Variants in VRK2 observed in about 807,000 individuals in gnomAD.
VRK2 encodes serine/threonine-protein kinase VRK2.
In VRK2, 60 loss-of-function variants were observed where a neutral mutation model predicts 57.6. The ratio of observed to expected loss-of-function variants is 1.04; its 90% confidence interval spans 0.85 to 1.29. VRK2 has a LOEUF of 1.29. VRK2 is among the 50% of genes most tolerant of loss of function. VRK2 has a pLI of 0.00. For missense variants in VRK2, 705 were observed against 588.1 expected (o/e 1.20, Z -2.06); for synonymous variants, 231 against 199.2 (o/e 1.16, Z -1.35).
intron 3 of VRK2, 97 bp from the exon 4 acceptor site, chr2:58,084,784 T>A: frequency 2.5e-6 from 2 of 798,188 alleles, no homozygotes. Flanking sequence ...TACTATTATA[T>A]ACTACATATA....
At chr2:58,055,756 A>G (rs2103843030) in intron 2 of VRK2, among the ~76,000 whole-genome samples, 1 of 152,332 alleles carries the variant, frequency 6.6e-6, no homozygotes, top group East Asian at 1.9e-4. Context: ...AAAATTGTAT[A>G]AAGGAGATGA....
At chr2:57,959,657 T>G (rs1264387891) in intron 1 of VRK2, among the ~76,000 whole-genome samples, 1 of 152,150 alleles carries the variant, frequency 6.6e-6, no homozygotes, top group East Asian at 1.9e-4. Context: ...AAGTGCCAGT[T>G]TGTTCCTCTT....
chr2:58,065,316 C>A (rs1668463879), intron 2 of VRK2, among the ~76,000 whole-genome samples: 1 of 152,064 alleles, frequency 6.6e-6, no homozygotes, highest in Non-Finnish European at 1.5e-5. Flanking sequence ...AGCCATTGAT[C>A]TATTCTGCAT....
intron 1 of VRK2, among the ~76,000 whole-genome samples, chr2:57,939,524 A>G (rs1384967043): frequency 6.6e-6 from 1 of 152,234 alleles, no homozygotes; most frequent in Non-Finnish European, 1.5e-5. Flanking sequence ...AAATAAAAAA[A>G]TGAGGACACA....
intron 1 of VRK2, among the ~76,000 whole-genome samples, chr2:57,974,373 C>T (rs1304853250): frequency 1.3e-5 from 2 of 151,740 alleles, no homozygotes; most frequent in Middle Eastern, 3.2e-3. Context: ...AACAAACTAA[C>T]ATAAAATACT....
chr2:58,085,254 T>A (rs1266988804), intron 4 of VRK2, among the ~76,000 whole-genome samples: 1 of 152,000 alleles, frequency 6.6e-6, no homozygotes, highest in Admixed American at 6.6e-5. Context: ...AATGAAATTA[T>A]TTCTTTTACA....
intron 10 of VRK2, among the ~76,000 whole-genome samples, chr2:58,137,241 T>TCATATATGATACATATATAC (rs1558687537): frequency 7.7e-6 from 1 of 129,678 alleles, no homozygotes; most frequent in African/African-American, 3.3e-5. Context: ...TACATATATA[T>TCATATATGATACATATATAC]CATATATATG....
intron 7 of VRK2, among the ~76,000 whole-genome samples, chr2:58,099,372 G>A (rs1191448511): frequency 6.6e-6 from 1 of 152,014 alleles, no homozygotes; most frequent in Non-Finnish European, 1.5e-5. Context: ...TTAAGCCTGT[G>A]AGTGCTCAGG....
chr2:58,118,150 G>A (rs530639612), intron 7 of VRK2, among the ~76,000 whole-genome samples: 124 of 151,958 alleles, frequency 8.2e-4, no homozygotes, highest in African/African-American at 2.9e-3. Flanking sequence ...GGGGTTGAGG[G>A]GTTCTTGCCC....
chr2:57,965,707 A>G (rs751031100), intron 1 of VRK2, among the ~76,000 whole-genome samples: 34 of 152,254 alleles, frequency 2.2e-4, no homozygotes, highest in Middle Eastern at 6.8e-3. Context: ...AACTTCATCC[A>G]TGAGAGGCTA....
intron 9 of VRK2, 66 bp from the exon 10 acceptor site, chr2:58,135,075 T>C: frequency 6.3e-7 from 1 of 1,578,576 alleles, no homozygotes; most frequent in Non-Finnish European, 8.7e-7. Context: ...GAGTGTTTTG[T>C]TTTCTAGTCA....
At chr2:58,023,942 T>A (rs946854718) in intron 1 of VRK2, among the ~76,000 whole-genome samples, 1 of 152,066 alleles carries the variant, frequency 6.6e-6, no homozygotes, top group Admixed American at 6.5e-5. Flanking sequence ...ATCACACAAT[T>A]GAGTATTAAT....
intron 1 of VRK2, among the ~76,000 whole-genome samples, chr2:57,956,010 C>T (rs1452619391): frequency 1.3e-5 from 2 of 152,028 alleles, no homozygotes; most frequent in Admixed American, 6.6e-5. Flanking sequence ...TAAAAGTGTC[C>T]TATTTTCACT....
intron 1 of VRK2, among the ~76,000 whole-genome samples, chr2:58,024,211 G>C (rs924762967): frequency 7.2e-5 from 11 of 152,130 alleles, no homozygotes; most frequent in African/African-American, 2.7e-4. Flanking sequence ...AAGATGAGGA[G>C]AGAGGAGAGC....
intron 7 of VRK2, among the ~76,000 whole-genome samples, chr2:58,093,439 T>G: frequency 6.6e-6 from 1 of 152,106 alleles, no homozygotes; most frequent in Non-Finnish European, 1.5e-5. Context: ...TTTTCATGTG[T>G]TTTTTGGCTG....
chr2:57,980,057 GTTAT>G (rs1672374416), intron 1 of VRK2, among the ~76,000 whole-genome samples: 1 of 151,924 alleles, frequency 6.6e-6, no homozygotes, highest in African/African-American at 2.4e-5. Context: ...TTTGATTTTG[GTTAT>G]TTCTTTTCTG....
intron 1 of VRK2, among the ~76,000 whole-genome samples, chr2:57,927,566 C>T (rs1242382215): frequency 2.0e-5 from 3 of 152,134 alleles, no homozygotes; most frequent in African/African-American, 7.2e-5. Context: ...TCTTTCTACT[C>T]AGGATATAAG....
chr2:58,005,159 C>T (rs2103633237), intron 1 of VRK2, among the ~76,000 whole-genome samples: 1 of 152,162 alleles, frequency 6.6e-6, no homozygotes, highest in South Asian at 2.1e-4. Flanking sequence ...ATATAATTAG[C>T]CAGGTCAGCC....
At chr2:58,097,417 G>T (rs1228855026) in intron 7 of VRK2, among the ~76,000 whole-genome samples, 2 of 151,756 alleles carry the variant, frequency 1.3e-5, no homozygotes, top group African/African-American at 4.8e-5. Flanking sequence ...GTTGTTTAGG[G>T]GGAGAGGGAC....
Sources: allele counts gnomAD v4.1 joint callset (sites outside exome capture counted in the v4.1 genomes callset), GRCh38; gene constraint gnomAD v4.1.1; transcripts MANE v1.5; gene names NCBI Gene and HGNC (gene_info 2026-07-23, HGNC 2026-07-21).